The following CERK variants were observed in gnomAD, a reference collection of about 807,000 sequenced individuals.
CERK encodes the protein acylsphingosine kinase.
Under a neutral mutation model 63.4 loss-of-function variants are expected in CERK, and 39 were observed. The ratio of observed to expected loss-of-function variants is 0.61; its 90% CI spans 0.48 to 0.80. The LOEUF is 0.80. Among genes scored for constraint, CERK ranks in the 30% least tolerant of loss-of-function variants. The probability of loss-of-function intolerance (pLI) is 0.00; values close to 1 mark genes in which losing one functional copy is unlikely to be tolerated. For missense variants in CERK, 670 were observed against 714.1 expected (o/e 0.94, Z 0.70); for synonymous variants, 302 against 280.0 (o/e 1.08, Z -0.78).
At position 46,714,489 on chromosome 22, in the gene CERK, G is replaced by C. The variant is rs1423983802; in HGVS notation, c.380-2196C>G. 6.6e-6 allele frequency among the ~76,000 whole-genome samples: 1 copy of C among 152,148 alleles called. No homozygotes were observed. The highest frequency in any genetic ancestry group is 2.4e-5 in the African/African-American group (1 of 41,416). On this transcript the variant is annotated intron_variant, in intron 3 of 12. Transcript: ENST00000216264. This position sits in a 1 kb window ranked among gnomAD's most constrained non-coding sequence, Gnocchi z 4.4. ...AGAAAATGAAAGAATTTACTAATAAGTTCATGCTAATAAACTCACGAATTT... is the reference window on the plus strand; with the variant it reads ...AGAAAATGAAAGAATTTACTAATAACTTCATGCTAATAAACTCACGAATTT...
intron 6 of CERK, 131 bp downstream of exon 6, chr22:46,707,712 T>C: frequency 4.7e-6 from 5 of 1,055,728 alleles, no homozygotes; most frequent in Non-Finnish European, 6.9e-6. Flanking sequence ...AGAGTGGCCC[T>C]AATGTTAGGA....
chr22:46,720,075 C>T lies in CERK; in HGVS notation c.379+11G>A. The T allele has an allele frequency of 1.9e-6, 3 of 1,612,254 alleles. No homozygotes were observed. The highest frequency in any genetic ancestry group is 2.5e-6 in the Non-Finnish European group (3 of 1,179,202). On this transcript the variant is annotated intron_variant, in intron 3 of 12. Coordinates refer to ENST00000216264, the MANE Select transcript of CERK (RefSeq NM_022766.6). ...CGGCCATCCTGTCTCTCAGTCCAAA[C>T]ACACACGTACTCAGCTTCTCCAGCA...
Position 46,685,013 on chromosome 22 carries a change from G to GT in CERK, c.*2120dup, listed in dbSNP as rs2082692231. ...AAATGCTTCCTCTTTGGCCTGGACT[G>GT]TTTTGCTAAAATTGTTAGTGGGTTT... On this transcript the variant is annotated 3_prime_UTR_variant, in exon 13 of 13. Coordinates refer to ENST00000216264, the MANE Select transcript of CERK (RefSeq NM_022766.6). The GT allele has an allele frequency of 6.6e-6, 1 of 152,122 alleles. No homozygotes were observed. The highest frequency in any genetic ancestry group is 1.5e-5 in the Non-Finnish European group (1 of 68,030). The allele number at this position is 152,122 out of a possible 1,614,324, so 9.4% of individuals were successfully genotyped here. A position where few individuals can be genotyped will look rare whatever the true frequency, so the allele number is the denominator to read the frequency against.
chr22:46,710,050 C>T (rs8140310), intron 5 of CERK, among the ~76,000 whole-genome samples: 8,463 of 152,238 alleles, frequency 0.056, 260 homozygotes, highest in Middle Eastern at 0.092. Context: ...ATATTAGAGA[C>T]TTTCACATGT....
intron 6 of CERK, 35 bp downstream of exon 6, chr22:46,707,808 C>G (rs374324950): frequency 6.3e-7 from 1 of 1,578,768 alleles, no homozygotes; most frequent in South Asian, 1.1e-5. Flanking sequence ...AGGACGGGAA[C>G]GAAGAGAACA....
At chr22:46,698,508 C>T (rs1005176511) in intron 8 of CERK, among the ~76,000 whole-genome samples, 3 of 152,242 alleles carry the variant, frequency 2.0e-5, no homozygotes, top group Non-Finnish European at 4.4e-5. Flanking sequence ...CCTGAAGTTA[C>T]AGAAGAGCTT....
rs1324308222 is a variant in CERK, at chr22:46,720,120, C to T, written c.345G>A (p.Trp115Ter). Reference sequence around the variant, plus strand: ...CCAGCATCTCCCGCAGGGTCTGCAGCCACAAGTGACACAGCTGCTCCTCTG... The same window carrying T: ...CCAGCATCTCCCGCAGGGTCTGCAGTCACAAGTGACACAGCTGCTCCTCTG... ...WCPEEQLCHL[W>*]LQTLREMLEK... The change falls in exon 3 of 13, where the codon TGG becomes TGA. Residue 115 changes from tryptophan (W) to a stop codon, truncating the protein, a stop_gained. Coordinates refer to ENST00000216264, the MANE Select transcript of CERK (RefSeq NM_022766.6). LOFTEE classifies it high-confidence loss of function. The T allele has an allele frequency of 1.9e-6, 3 of 1,614,104 alleles. No individual in the cohort carries two copies. The highest frequency in any genetic ancestry group is 1.7e-6 in the Non-Finnish European group (2 of 1,180,028).
chr22:46,714,511 A>G lies in CERK; in HGVS notation c.380-2218T>C, dbSNP rs1432246404. Among the ~76,000 whole-genome samples the G allele has an allele frequency of 6.6e-6, 1 of 152,232 alleles. No homozygotes were observed. Among genetic ancestry groups the G allele is most frequent in the Non-Finnish European group, 1.5e-5 (1 of 68,038 alleles). On this transcript the variant is annotated intron_variant, in intron 3 of 12. Transcript: ENST00000216264. This position sits in a 1 kb window ranked among gnomAD's most constrained non-coding sequence, Gnocchi z 4.4. Reference sequence around the variant, plus strand: ...TAAGTTCATGCTAATAAACTCACGAATTTGGATGAAATGGTTAAACTTCTC... The same window carrying G: ...TAAGTTCATGCTAATAAACTCACGAGTTTGGATGAAATGGTTAAACTTCTC...
rs1033635423 is a variant in CERK at position 46,690,263 on chromosome 22, G to C, written c.1333-63C>G. 6.4e-6 allele frequency: 9 copies of C among 1,399,342 alleles called. No homozygotes were observed. In the African/African-American group the frequency reaches 1.1e-4, roughly 18 times the overall value. The allele number at this position is 1,399,342 out of a possible 1,614,324, so 86.7% of individuals were successfully genotyped here. A position where few individuals can be genotyped will look rare whatever the true frequency, so the allele number is the denominator to read the frequency against. On this transcript the variant is annotated intron_variant, in intron 11 of 12. Transcript: ENST00000216264. ...ACGTCATCGTCTGGGTGGGGCAGCA[G>C]AACACCCCAGGCCTGACAGCGAGCG...
At position 46,727,217 on chromosome 22, in the gene CERK, A is replaced by G. The variant is rs147075696; in HGVS notation, c.143-6202T>C. Reference sequence around the variant, plus strand: ...TACCTGCCAATCATAACTTACTGCTATTTCATGCCATAAAATGTGACCTTT... The same window carrying G: ...TACCTGCCAATCATAACTTACTGCTGTTTCATGCCATAAAATGTGACCTTT... On this transcript the variant is annotated intron_variant, in intron 1 of 12. Transcript: ENST00000216264. Among the ~76,000 whole-genome samples, 546 of 152,124 alleles carry G rather than the reference A, an allele frequency of 3.6e-3. 5 individuals carry two copies. Among genetic ancestry groups the G allele is most frequent in the African/African-American group, 0.013 (533 of 41,506 alleles).
intron 1 of CERK, among the ~76,000 whole-genome samples, chr22:46,735,740 G>A (rs576186959): frequency 3.3e-5 from 5 of 152,294 alleles, no homozygotes; most frequent in East Asian, 1.9e-4. Flanking sequence ...GGGGAGGGCT[G>A]GGCAATGCCA....
At chr22:46,694,487 G>A (rs763210782) in intron 9 of CERK, among the ~76,000 whole-genome samples, 13 of 152,230 alleles carry the variant, frequency 8.5e-5, no homozygotes, top group East Asian at 5.8e-4. Context: ...AGAGCGCAGC[G>A]TTTCCAGCTG....
intron 10 of CERK, among the ~76,000 whole-genome samples, chr22:46,693,203 G>A (rs1861738): frequency 0.3 from 45,547 of 151,932 alleles, 8,456 homozygotes; most frequent in African/African-American, 0.52. Flanking sequence ...TTTCAGAAAG[G>A]GTAACGGGGC....
In CERK at chr22:46,701,860, T is replaced by C. The variant is rs112874383; in HGVS notation, c.716-150A>G. ...ATAGAATTTACCTACAAAATGAATA[T>C]AGAAAATACTAGCGTTGATTCCTCA... On this transcript the variant is annotated intron_variant, in intron 6 of 12. Transcript: ENST00000216264. 723 of 611,888 alleles carry C rather than the reference T, an allele frequency of 1.2e-3. 3 individuals are homozygous for C. In the African/African-American group the frequency reaches 0.012, roughly 10 times the overall value. 37.9% of individuals were successfully genotyped at this position (611,888 alleles called of 1,614,324 possible). A position where few individuals can be genotyped will look rare whatever the true frequency, so the allele number is the denominator to read the frequency against.
intron 6 of CERK, among the ~76,000 whole-genome samples, chr22:46,707,456 C>T (rs886543094): frequency 1.3e-5 from 2 of 152,142 alleles, no homozygotes; most frequent in Non-Finnish European, 2.9e-5. Context: ...CTCCCCAGCC[C>T]GATTCCTGCC....
At chr22:46,718,950 C>A (rs1376821064) in intron 3 of CERK, among the ~76,000 whole-genome samples, 2 of 152,038 alleles carry the variant, frequency 1.3e-5, no homozygotes, top group Non-Finnish European at 2.9e-5. Flanking sequence ...CACCTGTAGT[C>A]CCAGCTACTC....
chr22:46,725,199 G>A (rs2146587582), intron 1 of CERK, among the ~76,000 whole-genome samples: 1 of 152,048 alleles, frequency 6.6e-6, no homozygotes, highest in African/African-American at 2.4e-5. Context: ...GTGTGTCATC[G>A]GCATTACGCC....
chr22:46,687,114 G>T lies in CERK; in HGVS notation c.*20C>A, dbSNP rs775310593. 1.9e-6 allele frequency: 3 copies of T among 1,609,606 alleles called. No homozygotes were observed. The highest frequency in any genetic ancestry group is 1.7e-5 in the Admixed American group (1 of 59,992). On this transcript the variant is annotated 3_prime_UTR_variant, in exon 13 of 13. Coordinates refer to ENST00000216264, the MANE Select transcript of CERK (RefSeq NM_022766.6). ...AATAGTTTTCACACTTTCCCAGTTT[G>T]TGAGCAGGACGCCGGCTTCTCAGCT...
intron 1 of CERK, among the ~76,000 whole-genome samples, chr22:46,737,566 C>G (rs112066685): frequency 6.7e-4 from 102 of 152,374 alleles, no homozygotes; most frequent in Middle Eastern, 3.4e-3. Flanking sequence ...AAGGGCGCCT[C>G]TCAGGTTTCG....
Sources: gnomAD v4.1 joint callset for allele counts (sites outside exome capture counted in the v4.1 genomes callset) on GRCh38, gnomAD v4.1.1 for gene constraint, Gnocchi (gnomAD v3.1) non-coding constraint, MANE v1.5 for transcripts, NCBI Gene and HGNC (gene_info 2026-07-23, HGNC 2026-07-21) for gene names.